The following SLC15A2 variants were observed in gnomAD, a reference collection of about 807,000 sequenced individuals.
The protein encoded by SLC15A2 is solute carrier family 15 member 2, also known as kidney H(+)/peptide cotransporter.
A neutral mutation model predicts 95.5 loss-of-function variants in SLC15A2; 77 were observed. The ratio of observed to expected loss-of-function variants is 0.81; its 90% confidence interval spans 0.67 to 0.97. The LOEUF is 0.97. Among genes scored for constraint, SLC15A2 ranks in the 50% least tolerant of loss-of-function variants. SLC15A2 has a pLI of 0.00. For synonymous variants in SLC15A2, 306 were observed against 306.9 expected, an observed-to-expected ratio of 1.00 and a Z score of 0.03; for missense variants, 893 against 874.4, an observed-to-expected ratio of 1.02 and a Z score of -0.27.
At chr3:121,911,918 A>G (rs1190590984) in intron 4 of SLC15A2, among the ~76,000 whole-genome samples, 4 of 152,128 alleles carry the variant, frequency 2.6e-5, no homozygotes, top group Non-Finnish European at 1.5e-5. Flanking sequence ...TTCATACCCT[A>G]CATATTCCCT....
chr3:121,928,684 G>A (rs1710170160), intron 15 of SLC15A2, 129 bp downstream of exon 15: 1 of 1,047,022 alleles, frequency 9.6e-7, no homozygotes, highest in Admixed American at 2.5e-5. Flanking sequence ...GATTTTAATG[G>A]GCATATAATA....
chr3:121,924,985 T>C lies in SLC15A2; in HGVS notation c.1076T>C (p.Phe359Ser). The C allele has an allele frequency of 6.2e-7, 1 of 1,613,512 alleles. No individual in the cohort carries two copies. The highest frequency in any genetic ancestry group is 2.2e-5 in the East Asian group (1 of 44,868). ...CTGGTTCTTATCTTCATCCCGTTGT[T>C]TGACTTTGTCATTTATCGTCTGGTC... is the stretch of plus-strand genomic sequence containing the variant. ...PLLVLIFIPLFDFVIYRLVSK... is the reference protein window; with the variant it reads ...PLLVLIFIPLSDFVIYRLVSK... Residue 359 changes from phenylalanine (F) to serine (S), a missense_variant, in exon 13 of 22, where the codon TTT (phenylalanine) becomes TCT (serine). By Grantham distance (155) the Phe-to-Ser change is radical. Coordinates refer to ENST00000489711, the MANE Select transcript of SLC15A2 (RefSeq NM_021082.4).
chr3:121,939,576 AGGTATGTTATCTCTTTTGGCCTT>A, intron 20 of SLC15A2, 81 bp downstream of exon 20: 1 of 1,252,228 alleles, frequency 8.0e-7, no homozygotes, highest in Non-Finnish European at 1.1e-6. Flanking sequence ...TGACTTAAAT[AGGTATGTTATCTCTTTTGGCCTT>A]GGGTACCTTA....
intron 5 of SLC15A2, 30 bp downstream of exon 5, chr3:121,913,150 G>A (rs377495768): frequency 1.9e-6 from 3 of 1,551,454 alleles, no homozygotes; most frequent in Non-Finnish European, 2.7e-6. Context: ...GTATTTTCAA[G>A]AATATAGAGC....
intron 12 of SLC15A2, 25 bp downstream of exon 12, chr3:121,924,408 G>GGGACCAT (rs756075115): frequency 5.0e-6 from 8 of 1,607,946 alleles, no homozygotes; most frequent in Non-Finnish European, 4.3e-6. Context: ...TATAGCCATG[G>GGGACCAT]GGACTTATTT....
chr3:121,923,309 A>G (rs1710046565), intron 11 of SLC15A2, 43 bp downstream of exon 11: 1 of 1,569,936 alleles, frequency 6.4e-7, no homozygotes, highest in African/African-American at 1.4e-5. Context: ...TATTTTCTTC[A>G]TCATCCATAT....
chr3:121,940,612 T>TA, intron 21 of SLC15A2, 124 bp downstream of exon 21: 2 of 887,796 alleles, frequency 2.3e-6, no homozygotes, highest in Non-Finnish European at 3.6e-6. Flanking sequence ...TGAAATGGGT[T>TA]AGATATACAG....
chr3:121,931,270 T>G lies in SLC15A2; in HGVS notation c.1664+320T>G, dbSNP rs190972343. ...CTACTAAAGAAGGTACTTTGGTACC[T>G]TACACTGGCACTTCATTACTTAGAG... On this transcript the variant is annotated intron_variant, in intron 18 of 21. Coordinates refer to ENST00000489711, the MANE Select transcript of SLC15A2 (RefSeq NM_021082.4). Among the ~76,000 whole-genome samples the G allele has an allele frequency of 8.5e-5, 13 of 152,336 alleles. No individual in the cohort carries two copies. The East Asian group carries it at 2.5e-3, about 29-fold the overall frequency.
chr3:121,910,339 G>T (rs1709739935), intron 3 of SLC15A2, among the ~76,000 whole-genome samples: 3 of 151,874 alleles, frequency 2.0e-5, no homozygotes, highest in African/African-American at 4.8e-5. Context: ...TGGGATTATA[G>T]GTGCATGTCA....
At chr3:121,925,712 G>C (rs559936933) in intron 13 of SLC15A2, among the ~76,000 whole-genome samples, 8 of 98,552 alleles carry the variant, frequency 8.1e-5, no homozygotes, top group African/African-American at 3.2e-4. Context: ...TTATTACTTA[G>C]TAAAGGGGCT....
chr3:121,916,678 CAG>C (rs1709900349), intron 7 of SLC15A2, among the ~76,000 whole-genome samples: 1 of 152,016 alleles, frequency 6.6e-6, no homozygotes. Context: ...GAAGATAAAA[CAG>C]AGATGCTATA....
intron 5 of SLC15A2, among the ~76,000 whole-genome samples, chr3:121,914,359 T>A (rs574990050): frequency 6.6e-6 from 1 of 152,198 alleles, no homozygotes; most frequent in Non-Finnish European, 1.5e-5. Flanking sequence ...CAACTTTATT[T>A]GAAAGTTGTT....
chr3:121,896,299 C>T, intron 1 of SLC15A2, 107 bp from the exon 2 acceptor site: 1 of 871,868 alleles, frequency 1.1e-6, no homozygotes, highest in South Asian at 1.4e-5. Context: ...GCTCCATTAC[C>T]TACCAAGATG....
chr3:121,894,624 C>T (rs756331769), intron 1 of SLC15A2, 43 bp downstream of exon 1: 2 of 1,488,054 alleles, frequency 1.3e-6, no homozygotes, highest in Admixed American at 3.4e-5. Context: ...GGAATGGCCT[C>T]CCTCTTTTGG....
Position 121,917,001 on chromosome 3 carries a change from T to C in SLC15A2, c.697+1308T>C, listed in dbSNP as rs142580682. Among the ~76,000 whole-genome samples the C allele has an allele frequency of 7.2e-3, 1,099 of 152,150 alleles. 15 individuals are homozygous for C. The highest frequency in any genetic ancestry group is 0.025 in the African/African-American group (1,048 of 41,520). On this transcript the variant is annotated intron_variant, in intron 7 of 21. Coordinates refer to ENST00000489711, the MANE Select transcript of SLC15A2 (RefSeq NM_021082.4). The stretch of plus-strand genomic sequence containing the variant: ...ATGCCTGGCTAATTTTTTGTATTTT[T>C]AGTAGAGACAGGGTTTCACCGTGTT...
chr3:121,903,622 G>T (rs989442895), intron 3 of SLC15A2, among the ~76,000 whole-genome samples: 64 of 152,216 alleles, frequency 4.2e-4, no homozygotes, highest in African/African-American at 1.4e-3. Flanking sequence ...TTTCCCCATT[G>T]CTTGTTTTTG....
At chr3:121,906,253 T>C (rs1310101153) in intron 3 of SLC15A2, among the ~76,000 whole-genome samples, 1 of 152,232 alleles carries the variant, frequency 6.6e-6, no homozygotes, top group Non-Finnish European at 1.5e-5. Flanking sequence ...TATGTGTGTC[T>C]CTGCACATGA....
At chr3:121,908,233 T>C (rs1709694830) in intron 3 of SLC15A2, among the ~76,000 whole-genome samples, 1 of 152,240 alleles carries the variant, frequency 6.6e-6, no homozygotes, top group South Asian at 2.1e-4. Context: ...CTAAGACCTT[T>C]GGAAAAGCAC....
intron 19 of SLC15A2, among the ~76,000 whole-genome samples, chr3:121,935,280 A>T (rs1710316667): frequency 6.6e-6 from 1 of 152,196 alleles, no homozygotes; most frequent in Non-Finnish European, 1.5e-5. Flanking sequence ...TGGCCTCATA[A>T]AATGAGTTAG....
Sources: allele counts gnomAD v4.1 joint callset (sites outside exome capture counted in the v4.1 genomes callset), GRCh38; gene constraint gnomAD v4.1.1; transcripts MANE v1.5; gene names NCBI Gene and HGNC (gene_info 2026-07-23, HGNC 2026-07-21).